SCARB1: variants seen among roughly 807,000 people sequenced by gnomAD.
The protein encoded by SCARB1 is CD36 and LIMPII analogous 1.
In SCARB1, 30 loss-of-function variants were observed where a neutral mutation model predicts 57.2. The ratio of observed to expected loss-of-function variants is 0.52; its 90% confidence interval spans 0.39 to 0.71. SCARB1 has a LOEUF of 0.71. Among genes scored for constraint, SCARB1 ranks in the 30% least tolerant of loss-of-function variants. The pLI is 0.00. For missense variants in SCARB1, 543 were observed against 671.2 expected, an observed-to-expected ratio of 0.81 and a Z score of 2.11; for synonymous variants, 249 against 268.3, an observed-to-expected ratio of 0.93 and a Z score of 0.70.
chr12:124,778,558 C>T lies in SCARB1; in HGVS notation c.*29G>A, dbSNP rs994575062. 30 of 1,391,372 alleles carry T rather than the reference C, an allele frequency of 2.2e-5. No individual in the cohort carries two copies. The highest frequency in any genetic ancestry group is 2.6e-5 in the Non-Finnish European group (28 of 1,072,160). The allele number at this position is 1,391,372 out of a possible 1,614,324, so 86.2% of individuals were successfully genotyped here. A position where few individuals can be genotyped will look rare whatever the true frequency, so the allele number is the denominator to read the frequency against. On this transcript the variant is annotated 3_prime_UTR_variant, in exon 13 of 13. Coordinates refer to ENST00000261693, the MANE Select transcript of SCARB1 (RefSeq NM_005505.5). ...GGGCCGGTCAGGCCCAGCGGCCAGG[C>T]CTGGCTGGCTCACGGTGTCCTCAGG... is the stretch of plus-strand genomic sequence containing the variant.
chr12:124,814,283 G>A lies in SCARB1; in HGVS notation c.549C>T (p.Tyr183=). Residue 183 remains tyrosine (Y), a synonymous_variant, in exon 4 of 13, where the codon TAC becomes TAT. Transcript: ENST00000261693. The surrounding 1 kb of genome is among the most constrained non-coding windows in gnomAD (Gnocchi z 4.7). ...TGATGAGATTCACAAGGGGGTCCTT[G>A]TAGCCCCACATGATCTCACCCACAG... ...NRTVGEIMWG[Y]KDPLVNLINK... The A allele has an allele frequency of 6.2e-7, 1 of 1,614,210 alleles. No homozygotes were observed. The highest frequency in any genetic ancestry group is 1.7e-5 in the Admixed American group (1 of 60,028).
chr12:124,850,849 G>A (rs760762043), intron 1 of SCARB1, among the ~76,000 whole-genome samples: 16 of 152,192 alleles, frequency 1.1e-4, no homozygotes, highest in Non-Finnish European at 2.2e-4. Context: ...CTACCTGGGG[G>A]CAAAGGGGCT....
intron 1 of SCARB1, among the ~76,000 whole-genome samples, chr12:124,820,417 A>C (rs1950906298): frequency 6.6e-6 from 1 of 151,988 alleles, no homozygotes; most frequent in African/African-American, 2.4e-5. Flanking sequence ...TGTGAGCTGG[A>C]TCAAAGAGCA....
chr12:124,820,790 G>T (rs1054784437), intron 1 of SCARB1, among the ~76,000 whole-genome samples: 3 of 152,196 alleles, frequency 2.0e-5, no homozygotes, highest in African/African-American at 4.8e-5. Context: ...AGAAAACAGT[G>T]GGGGGCAGGA....
intron 1 of SCARB1, among the ~76,000 whole-genome samples, chr12:124,858,741 C>T (rs10773115): frequency 0.61 from 92,185 of 151,720 alleles, 28,204 homozygotes; most frequent in East Asian, 0.71. Context: ...TAGGTGGGTG[C>T]GGTGGCGGGC....
intron 11 of SCARB1, chr12:124,785,189 G>GC: frequency 6.5e-6 from 1 of 152,692 alleles, no homozygotes; most frequent in South Asian, 2.1e-4. Context: ...ACCCCTCCCA[G>GC]CCCGGGGCCC....
intron 1 of SCARB1, among the ~76,000 whole-genome samples, chr12:124,856,728 G>A (rs1384134074): frequency 6.6e-6 from 1 of 152,212 alleles, no homozygotes; most frequent in Non-Finnish European, 1.5e-5. Context: ...GGTAGGTGGA[G>A]ACACTGGGCC....
At chr12:124,858,835 C>A (rs1030757122) in intron 1 of SCARB1, among the ~76,000 whole-genome samples, 3 of 151,128 alleles carry the variant, frequency 2.0e-5, no homozygotes, top group Admixed American at 6.6e-5. Flanking sequence ...GCCGAGATCG[C>A]ACCACTGCAC....
Position 124,800,159 on chromosome 12 carries a change from G to A in SCARB1, c.1093C>T (p.Gln365Ter). 2.5e-6 allele frequency: 4 copies of A among 1,613,764 alleles called. No individual in the cohort carries two copies. Among genetic ancestry groups the A allele is most frequent in the Non-Finnish European group, 3.4e-6 (4 of 1,179,710 alleles). ...TCCAGGAACAAGGAGTGTGCCTCCT[G>A]GTTAGGGTGCAGGCCAGTCACCGCT... Reference protein sequence around the residue: ...AEAVTGLHPNQEAHSLFLDIH... With the variant: ...AEAVTGLHPN The change falls in exon 8 of 13, where the codon CAG becomes TAG. Residue 365 changes from glutamine (Q) to a stop codon, truncating the protein, a stop_gained. Coordinates refer to ENST00000261693, the MANE Select transcript of SCARB1 (RefSeq NM_005505.5). LOFTEE classifies it high-confidence loss of function. This position sits in a 1 kb window ranked among gnomAD's most constrained non-coding sequence, Gnocchi z 4.8.
chr12:124,801,913 G>T (rs984072916), intron 7 of SCARB1, among the ~76,000 whole-genome samples: 4 of 151,866 alleles, frequency 2.6e-5, no homozygotes, highest in Non-Finnish European at 5.9e-5. Flanking sequence ...CACTTTAGGA[G>T]GCCGAGGCGG....
At chr12:124,793,174 G>T (rs540804565) in intron 9 of SCARB1, among the ~76,000 whole-genome samples, 27 of 152,286 alleles carry the variant, frequency 1.8e-4, no homozygotes, top group African/African-American at 6.5e-4. Context: ...ATTCTTTCCA[G>T]CCGAGAGGCA....
At chr12:124,818,957 T>C (rs1364765463) in intron 1 of SCARB1, among the ~76,000 whole-genome samples, 1 of 152,118 alleles carries the variant, frequency 6.6e-6, no homozygotes, top group Admixed American at 6.5e-5. Context: ...GCCTGGCCTA[T>C]AAAAAATAAT....
intron 7 of SCARB1, among the ~76,000 whole-genome samples, chr12:124,802,386 G>T (rs541650842): frequency 1.3e-5 from 2 of 152,216 alleles, no homozygotes; most frequent in South Asian, 4.1e-4. Flanking sequence ...GGACCCAGAA[G>T]CTCACTCTCA....
At chr12:124,793,015 TCTTCCATGCCTGGGGCTGTTTCCCCACC>T (rs1268588537) in intron 9 of SCARB1, among the ~76,000 whole-genome samples, 1 of 152,048 alleles carries the variant, frequency 6.6e-6, no homozygotes, top group Non-Finnish European at 1.5e-5. Context: ...TGCAAACGCC[TCTTCCATGCCTGGGGCTGTTTCCCCACC>T]CACAAATCCA....
intron 1 of SCARB1, among the ~76,000 whole-genome samples, chr12:124,837,516 A>G (rs1307614287): frequency 0.029 from 2,924 of 102,524 alleles, 203 homozygotes; most frequent in East Asian, 0.1. Flanking sequence ...AGAAAAAAGA[A>G]AAGAAAGGAA....
chr12:124,780,099 TTCCTCCTCCTTCCCC>T (rs938379184), intron 12 of SCARB1, among the ~76,000 whole-genome samples: 10 of 152,176 alleles, frequency 6.6e-5, no homozygotes, highest in African/African-American at 2.4e-4. Flanking sequence ...GTGAAGCAGG[TTCCTCCTCCTTCCCC>T]TCCTCCTCCT....
rs2135689922 is a variant in SCARB1, at chr12:124,817,105, T to C, written c.284+445A>G. Among the ~76,000 whole-genome samples, 1 of 148,218 alleles carries C rather than the reference T, an allele frequency of 6.7e-6. No homozygotes were observed. The highest frequency in any genetic ancestry group is 2.0e-4 in the East Asian group (1 of 5,082). ...GTGTATGTATGTGTGTGTGTATGTGTATGTACGTGTGTATGTATGTATGTG... is the reference window on the plus strand; with the variant it reads ...GTGTATGTATGTGTGTGTGTATGTGCATGTACGTGTGTATGTATGTATGTG... On this transcript the variant is annotated intron_variant, in intron 2 of 12. Coordinates refer to ENST00000261693, the MANE Select transcript of SCARB1 (RefSeq NM_005505.5). This position sits in a 1 kb window ranked among gnomAD's most constrained non-coding sequence, Gnocchi z 4.8.
intron 1 of SCARB1, chr12:124,821,477 ATCTCTC>A (rs148511562): frequency 6.8e-5 from 60 of 887,268 alleles, no homozygotes; most frequent in Non-Finnish European, 7.5e-5. Flanking sequence ...CCATGTCTCA[ATCTCTC>A]TCTCTCTCTC....
chr12:124,818,805 C>T (rs1411534343), intron 1 of SCARB1, among the ~76,000 whole-genome samples: 1 of 152,054 alleles, frequency 6.6e-6, no homozygotes, highest in East Asian at 1.9e-4. Flanking sequence ...ACCACCATAC[C>T]TGGTTAATTT....
Sources: gnomAD v4.1 joint callset for allele counts (sites outside exome capture counted in the v4.1 genomes callset) on GRCh38, gnomAD v4.1.1 for gene constraint, Gnocchi (gnomAD v3.1) non-coding constraint, MANE v1.5 for transcripts, NCBI Gene and HGNC (gene_info 2026-07-23, HGNC 2026-07-21) for gene names.